The following NAV3 variants were observed in gnomAD, a reference collection of about 807,000 sequenced individuals.
NAV3 encodes the protein pore membrane and/or filament interacting like protein 1.
A neutral mutation model predicts 244.7 loss-of-function variants in NAV3; 87 were observed. The ratio of observed to expected loss-of-function variants is 0.36; its 90% confidence interval spans 0.30 to 0.42. The LOEUF is 0.42. Ranked by LOEUF, NAV3 falls within the 20% of genes least tolerant of loss-of-function variation. The pLI is 1.00. For synonymous variants in NAV3, 1,126 were observed against 1,042.2 expected, an observed-to-expected ratio of 1.08 and a Z score of -1.55; for missense variants, 2,663 against 2,893.3, an observed-to-expected ratio of 0.92 and a Z score of 1.83.
chr12:77,630,267 C>T (rs544778501), intron 2 of NAV3, among the ~76,000 whole-genome samples: 6 of 152,046 alleles, frequency 3.9e-5, no homozygotes, highest in Non-Finnish European at 7.4e-5. Flanking sequence ...GTGTCCATAC[C>T]GTCTTGCTGG....
At position 77,994,800 on chromosome 12, in the gene NAV3, C is replaced by T. The variant is rs2136400839; in HGVS notation, c.672-3C>T. ...TTCAATTTCTCTGTTTCTCCTCATA[C>T]AGTCTGGCAGCCAGATATGCAACTC... On this transcript the variant is annotated splice_polypyrimidine_tract_variant and splice_region_variant and intron_variant, in intron 5 of 39. Transcript: ENST00000397909. The T allele has an allele frequency of 6.2e-7, 1 of 1,608,266 alleles. No homozygotes were observed. Among genetic ancestry groups the T allele is most frequent in the Non-Finnish European group, 8.5e-7 (1 of 1,176,962 alleles).
intron 24 of NAV3, among the ~76,000 whole-genome samples, chr12:78,172,228 T>C (rs907195567): frequency 2.0e-5 from 3 of 151,690 alleles, no homozygotes; most frequent in Admixed American, 1.3e-4. Context: ...ATACCAAATA[T>C]AGTTGGATAA....
chr12:77,665,725 C>T (rs2137054816), intron 2 of NAV3, among the ~76,000 whole-genome samples: 1 of 152,132 alleles, frequency 6.6e-6, no homozygotes, highest in East Asian at 1.9e-4. Context: ...TTTCTAATTC[C>T]TATTTATAGT....
chr12:78,001,919 A>G (rs10506764), intron 7 of NAV3, among the ~76,000 whole-genome samples: 5,670 of 152,300 alleles, frequency 0.037, 354 homozygotes, highest in African/African-American at 0.13. Flanking sequence ...AGAAACTGAC[A>G]ATGAATAATA....
At chr12:78,093,874 C>G (rs1303597706) in intron 12 of NAV3, among the ~76,000 whole-genome samples, 1 of 151,990 alleles carries the variant, frequency 6.6e-6, no homozygotes, top group African/African-American at 2.4e-5. Context: ...CTTTGTCACC[C>G]AAGCTGGAAT....
intron 12 of NAV3, among the ~76,000 whole-genome samples, chr12:78,059,939 T>G (rs969994652): frequency 6.6e-6 from 1 of 151,350 alleles, no homozygotes; most frequent in Non-Finnish European, 1.5e-5. Flanking sequence ...TTTGCTTCTT[T>G]ATTGCCTCAA....
intron 1 of NAV3, among the ~76,000 whole-genome samples, chr12:77,912,484 G>T (rs1886699397): frequency 6.6e-6 from 1 of 152,092 alleles, no homozygotes; most frequent in Non-Finnish European, 1.5e-5. Flanking sequence ...ATTTATGCTA[G>T]AATATTTCCA....
Position 78,006,470 on chromosome 12 carries a change from C to T in NAV3, c.932C>T (p.Pro311Leu), listed in dbSNP as rs906434246. The T allele has an allele frequency of 4.3e-6, 7 of 1,614,152 alleles. No homozygotes were observed. The highest frequency in any genetic ancestry group is 5.1e-6 in the Non-Finnish European group (6 of 1,180,016). ...SSSGVNGNVQ[P>L]PSTAGQPPAS... ...TCAGGTGTAAATGGTAACGTGCAGC[C>T]TCCCAGTACTGCTGGGCAGCCTCCT... The change falls in exon 8 of 40, where the codon CCT becomes CTT. Residue 311 changes from proline to leucine, a missense_variant. Pro to Leu is a moderately conservative substitution (Grantham distance 98). Coordinates refer to ENST00000397909, the MANE Select transcript of NAV3 (RefSeq NM_001024383.2).
At position 77,601,649 on chromosome 12, in the gene NAV3, T is replaced by G. The variant is rs1306048697; in HGVS notation, c.72+29383T>G. On this transcript the variant is annotated intron_variant, in intron 2 of 8. Transcript: ENST00000550042. ...CTATGTCAAGCTGAGGGATTTGTAT[T>G]GTACTTGGTAGATAGTAGGAAACTT... 2.0e-5 allele frequency among the ~76,000 whole-genome samples: 3 copies of G among 151,968 alleles called. No individual in the cohort carries two copies. The East Asian group carries it at 5.8e-4, about 29-fold the overall frequency.
intron 3 of NAV3, among the ~76,000 whole-genome samples, chr12:77,954,124 G>A (rs972119369): frequency 3.9e-5 from 6 of 152,122 alleles, no homozygotes; most frequent in South Asian, 2.1e-4. Context: ...CATGTAAAAT[G>A]CATTGGATAT....
At chr12:77,669,980 A>G (rs1488043727) in intron 2 of NAV3, among the ~76,000 whole-genome samples, 1 of 152,026 alleles carries the variant, frequency 6.6e-6, no homozygotes, top group Non-Finnish European at 1.5e-5. Flanking sequence ...GAAACAAACA[A>G]AAAAAATACA....
chr12:77,821,895 G>T (rs537945689), intron 2 of NAV3, among the ~76,000 whole-genome samples: 1 of 151,972 alleles, frequency 6.6e-6, no homozygotes. Flanking sequence ...TTTTTAGGTT[G>T]CATTTTTTTA....
intron 2 of NAV3, among the ~76,000 whole-genome samples, chr12:77,658,299 T>C (rs1873230189): frequency 6.6e-6 from 1 of 151,550 alleles, no homozygotes; most frequent in Admixed American, 6.6e-5. Context: ...TCACAAGCAT[T>C]CTTATACACC....
chr12:77,772,198 A>T (rs1176678834), intron 2 of NAV3, among the ~76,000 whole-genome samples: 1 of 152,168 alleles, frequency 6.6e-6, no homozygotes, highest in Non-Finnish European at 1.5e-5. Flanking sequence ...GGACAACGCT[A>T]GTATTCAAAC....
chr12:78,010,579 G>T (rs1311517145), intron 8 of NAV3, among the ~76,000 whole-genome samples: 1 of 152,004 alleles, frequency 6.6e-6, no homozygotes, highest in Non-Finnish European at 1.5e-5. Context: ...GTAGAAATTT[G>T]CTTTGCTTAT....
At chr12:77,811,263 C>T (rs1872273287) in intron 2 of NAV3, among the ~76,000 whole-genome samples, 1 of 152,150 alleles carries the variant, frequency 6.6e-6, no homozygotes, top group Admixed American at 6.6e-5. Context: ...CACTTAAGAG[C>T]ATGATAATTT....
At chr12:78,184,083 A>G (rs1311421820) in intron 30 of NAV3, among the ~76,000 whole-genome samples, 5 of 151,880 alleles carry the variant, frequency 3.3e-5, no homozygotes, top group Non-Finnish European at 7.4e-5. Flanking sequence ...GGCTCCCTTC[A>G]GTTACTTTCT....
intron 5 of NAV3, among the ~76,000 whole-genome samples, chr12:77,983,854 T>C (rs947175147): frequency 1.1e-4 from 16 of 152,234 alleles, no homozygotes; most frequent in African/African-American, 3.6e-4. Flanking sequence ...TTCTGAGACA[T>C]TTTGTTCTTG....
Position 78,117,103 on chromosome 12 carries a change from C to A in NAV3, c.2769+199C>A, listed in dbSNP as rs7975175. 7.4e-3 allele frequency among the ~76,000 whole-genome samples: 1,026 copies of A among 139,222 alleles called. 4 individuals carry two copies. Among genetic ancestry groups the A allele is most frequent in the Non-Finnish European group, 0.012 (806 of 66,074 alleles). The allele number at this position is 139,222 out of a possible 152,430, so 91.3% of individuals were successfully genotyped here. A position where few individuals can be genotyped will look rare whatever the true frequency, so the allele number is the denominator to read the frequency against. ...ATCTTAGTCTTTCCTAAAGCCACAA[C>A]CCTTAGGAGGAGCAACAATGTGCAC... On this transcript the variant is annotated intron_variant, in intron 13 of 39. Transcript: ENST00000397909.
Sources: gnomAD v4.1 joint callset for allele counts (sites outside exome capture counted in the v4.1 genomes callset) on GRCh38, gnomAD v4.1.1 for gene constraint, MANE v1.5 for transcripts, NCBI Gene and HGNC (gene_info 2026-07-23, HGNC 2026-07-21) for gene names.